The following C16orf96 variants were observed in gnomAD, a reference collection of about 807,000 sequenced individuals.
C16orf96 encodes chromosome 16 open reading frame 96, also known as uncharacterized protein C16orf96.
C16orf96 carries 108 observed loss-of-function variants against 103.6 expected under a neutral mutation model. The ratio of observed to expected loss-of-function variants is 1.04; its 90% confidence interval spans 0.89 to 1.22. The LOEUF (loss-of-function observed/expected upper bound fraction) is 1.22. Ranked by LOEUF, C16orf96 falls within the 50% of genes most tolerant of loss-of-function variation. The pLI is 0.00. For synonymous variants in C16orf96, 566 were observed against 593.5 expected, an observed-to-expected ratio of 0.95 and a Z score of 0.67; for missense variants, 1,586 against 1,464.2, an observed-to-expected ratio of 1.08 and a Z score of -1.36.
Position 4,599,356 on chromosome 16 carries a change from T to G in C16orf96, c.3200T>G (p.Ile1067Ser), listed in dbSNP as rs1310086758. The G allele has an allele frequency of 6.4e-7, 1 of 1,551,540 alleles. No individual in the cohort carries two copies. The highest frequency in any genetic ancestry group is 8.7e-7 in the Non-Finnish European group (1 of 1,146,822). Residue 1067 changes from isoleucine (I) to serine (S), a missense_variant, in exon 15 of 16, where the codon ATC becomes AGC. Coordinates refer to ENST00000444310, the MANE Select transcript of C16orf96 (RefSeq NM_001145011.2). ...CACTCCAGTGCCCTATTTGGCGCCA[T>G]CTGCCCCCGTGAGTACCTGGTTCCC... ...RVHSSALFGA[I>S]CPPLCPRSSA...
chr16:4,592,365 C>T lies in C16orf96; in HGVS notation c.2772C>T (p.Gly924=), dbSNP rs1897079561. The part of the protein sequence containing the change: ...SCDRPVEMMT[G]PQLITIRKAH... ...ACCGGCCTGTGGAGATGATGACTGG[C>T]CCGTGAGTACCACCGCCCAGGGTGC... The change falls in exon 11 of 16, where the codon GGC becomes GGT. Residue 924 remains glycine, a splice_region_variant and synonymous_variant. Transcript: ENST00000444310. The T allele has an allele frequency of 6.4e-7, 1 of 1,551,474 alleles. No homozygotes were observed. The highest frequency in any genetic ancestry group is 8.7e-7 in the Non-Finnish European group (1 of 1,147,000).
rs573875199 is a variant in C16orf96 at position 4,600,291 on chromosome 16, C to T, written c.3400C>T (p.Pro1134Ser). The change falls in exon 16 of 16, where the codon CCC becomes TCC. Residue 1134 changes from proline (P) to serine (S), a missense_variant. Physicochemically the swap from Pro to Ser is moderately conservative, Grantham distance 74. Coordinates refer to ENST00000444310, the MANE Select transcript of C16orf96 (RefSeq NM_001145011.2). ...CATTGAGTCCCGAGTCGGCAGGAAG[C>T]CCCCCGAGGAGCCCGCCAACCCGTG... is the stretch of plus-strand genomic sequence containing the variant. ...PHIESRVGRK[P>S]PEEPANP 132 of 1,550,342 alleles carry T rather than the reference C, an allele frequency of 8.5e-5. 1 individual carries two copies. In the East Asian group the frequency reaches 2.9e-3, roughly 34 times the overall value.
chr16:4,585,484 T>A (rs937830156), intron 7 of C16orf96, among the ~76,000 whole-genome samples: 7 of 151,746 alleles, frequency 4.6e-5, no homozygotes, highest in Non-Finnish European at 1.0e-4. Context: ...AAATTAAAAT[T>A]AAAATAAAGA....
chr16:4,575,848 A>C lies in C16orf96; in HGVS notation c.1368A>C (p.Val456=). 1 of 1,551,312 alleles carries C rather than the reference A, an allele frequency of 6.4e-7. No homozygotes were observed. The highest frequency in any genetic ancestry group is 8.7e-7 in the Non-Finnish European group (1 of 1,146,972). Residue 456 remains valine, a synonymous_variant, in exon 5 of 16, where the codon GTA becomes GTC. Coordinates refer to ENST00000444310, the MANE Select transcript of C16orf96 (RefSeq NM_001145011.2). The part of the protein sequence containing the change: ...GEALQLAAVQ[V]KGEENDVPSL... ...CCCTCCAGCTCGCAGCTGTCCAAGTAAAGGGGGAGGAAAATGATGTCCCCA... is the reference window on the plus strand; with the variant it reads ...CCCTCCAGCTCGCAGCTGTCCAAGTCAAGGGGGAGGAAAATGATGTCCCCA...
At chr16:4,547,672 G>GCTTGCTTCCTTCCTTCCTTC in the C16orf96 span, among the ~76,000 whole-genome samples, 1 of 105,670 alleles carries the variant, frequency 9.5e-6, no homozygotes, top group African/African-American at 4.6e-5. Flanking sequence ...TTCCTTCCTT[G>GCTTGCTTCCTTCCTTCCTTC]CTTCCTTCCT....
chr16:4,578,978 G>A lies in C16orf96; in HGVS notation c.2194G>A (p.Asp732Asn), dbSNP rs1463102547. 6.4e-7 allele frequency: 1 copy of A among 1,551,344 alleles called. No individual in the cohort carries two copies. Residue 732 changes from aspartate (D) to asparagine (N), a missense_variant, in exon 6 of 16, where the codon GAC becomes AAC. Asp to Asn is a conservative substitution (Grantham distance 23). Coordinates refer to ENST00000444310, the MANE Select transcript of C16orf96 (RefSeq NM_001145011.2). ...GGPSSLGTTV[D>N]ILQKKIGSLQ... The stretch of plus-strand genomic sequence containing the variant: ...TCCTTCCAGCCTCGGGACAACAGTG[G>A]ACATATTGCAGAAAAAGATTGGCAG...
At chr16:4,594,903 C>A in intron 14 of C16orf96, 100 bp downstream of exon 14, 2 of 1,274,256 alleles carry the variant, frequency 1.6e-6, no homozygotes, top group Non-Finnish European at 2.2e-6. Context: ...AGCACTATCC[C>A]TGACCGGGGA....
chr16:4,551,399 C>T (rs1453469645), upstream of C16orf96, among the ~76,000 whole-genome samples: 6 of 152,200 alleles, frequency 3.9e-5, no homozygotes, highest in Non-Finnish European at 7.3e-5. Context: ...CAAGGATAAC[C>T]ACTCGCCTCA....
chr16:4,556,847 G>A lies in C16orf96; in HGVS notation c.358G>A (p.Asp120Asn), dbSNP rs1299852265. 6.4e-7 allele frequency: 1 copy of A among 1,551,318 alleles called. No individual in the cohort carries two copies. Among genetic ancestry groups the A allele is most frequent in the African/African-American group, 1.4e-5 (1 of 73,046 alleles). Residue 120 changes from aspartate (D) to asparagine (N), a missense_variant, in exon 1 of 16, where the codon GAC (aspartate) becomes AAC (asparagine). Asp to Asn is a conservative substitution (Grantham distance 23, BLOSUM62 1). Coordinates refer to ENST00000444310, the MANE Select transcript of C16orf96 (RefSeq NM_001145011.2). ...CCAGGGCACTGCCCGGCCCGTCCAGGACCTGTGGCATCTGATCAAGCTCCG... is the reference window on the plus strand; with the variant it reads ...CCAGGGCACTGCCCGGCCCGTCCAGAACCTGTGGCATCTGATCAAGCTCCG... The part of the protein sequence containing the change: ...ASQGTARPVQ[D>N]LWHLIKLRKM...
At chr16:4,542,551 C>G in the C16orf96 span, among the ~76,000 whole-genome samples, 1 of 152,086 alleles carries the variant, frequency 6.6e-6, no homozygotes, top group Admixed American at 6.6e-5. Flanking sequence ...AATCCCAGCA[C>G]TTTGGGAGGC....
the C16orf96 span, among the ~76,000 whole-genome samples, chr16:4,542,377 T>C: frequency 6.6e-6 from 1 of 151,926 alleles, no homozygotes; most frequent in Non-Finnish European, 1.5e-5. Context: ...AAAAAATAAA[T>C]AAATAAAAAT....
chr16:4,572,306 CT>C (rs3992632), intron 2 of C16orf96, among the ~76,000 whole-genome samples: 2 of 131,706 alleles, frequency 1.5e-5, no homozygotes, highest in East Asian at 2.2e-4. Flanking sequence ...ACTTATATTT[CT>C]TTTTTTTTTT....
rs534295718 is a variant in C16orf96, at chr16:4,583,873, C to G, written c.2353-3166C>G. 1.1e-4 allele frequency among the ~76,000 whole-genome samples: 14 copies of G among 133,224 alleles called. No homozygotes were observed. The East Asian group carries it at 1.6e-3, about 15-fold the overall frequency. 87.4% of individuals were successfully genotyped at this position (133,224 alleles called of 152,430 possible). A position where few individuals can be genotyped will look rare whatever the true frequency, so the allele number is the denominator to read the frequency against. On this transcript the variant is annotated intron_variant, in intron 7 of 15. Coordinates refer to ENST00000444310, the MANE Select transcript of C16orf96 (RefSeq NM_001145011.2). ...TCAGGAGGCGGAGGCTGCAGTGAGCCAAGATCGCACCACTGCACTCCAGCC... is the reference window on the plus strand; with the variant it reads ...TCAGGAGGCGGAGGCTGCAGTGAGCGAAGATCGCACCACTGCACTCCAGCC...
the C16orf96 span, chr16:4,538,777 A>T: frequency 2.6e-5 from 4 of 152,128 alleles, no homozygotes; most frequent in Admixed American, 2.0e-4. Flanking sequence ...CACTTCTGTC[A>T]CAAGGAGGCG....
At chr16:4,574,422 A>G (rs2059476024) in intron 2 of C16orf96, among the ~76,000 whole-genome samples, 1 of 151,942 alleles carries the variant, frequency 6.6e-6, no homozygotes, top group African/African-American at 2.4e-5. Flanking sequence ...GTGTTTCACC[A>G]TGTTGGCCAG....
chr16:4,588,998 G>A (rs6500618), intron 9 of C16orf96, among the ~76,000 whole-genome samples: 146,096 of 152,108 alleles, frequency 0.96, 70,420 homozygotes, highest in East Asian at 1. Context: ...GGAAGGGGCT[G>A]TGACTCCTCT....
At chr16:4,577,684 G>T (rs1315844479) in intron 5 of C16orf96, among the ~76,000 whole-genome samples, 1 of 152,064 alleles carries the variant, frequency 6.6e-6, no homozygotes, top group African/African-American at 2.4e-5. Context: ...GGCCGTGTGC[G>T]GTGGCTCACG....
At chr16:4,561,526 C>A (rs531082382) in intron 1 of C16orf96, 2 of 152,300 alleles carry the variant, frequency 1.3e-5, no homozygotes, top group Non-Finnish European at 2.9e-5. Flanking sequence ...CCTGGCCTGC[C>A]TTGATGGATG....
At chr16:4,544,267 G>A in the C16orf96 span, among the ~76,000 whole-genome samples, 1 of 152,102 alleles carries the variant, frequency 6.6e-6, no homozygotes, top group Non-Finnish European at 1.5e-5. Flanking sequence ...GCTGGAACTG[G>A]GTTCAAGTCT....
Sources: allele counts gnomAD v4.1 joint callset (sites outside exome capture counted in the v4.1 genomes callset), GRCh38; gene constraint gnomAD v4.1.1; transcripts MANE v1.5; gene names NCBI Gene and HGNC (gene_info 2026-07-23, HGNC 2026-07-21).